The following PXDNL variants were observed in gnomAD, a reference collection of about 807,000 sequenced individuals.
PXDNL encodes probable oxidoreductase PXDNL.
PXDNL carries 145 observed loss-of-function variants against 150.8 expected under a neutral mutation model. The observed-to-expected ratio is 0.96, with a 90% confidence interval of 0.84 to 1.10. PXDNL has a LOEUF of 1.10. PXDNL is among the 50% of genes least tolerant of loss of function. PXDNL has a pLI of 0.00. For missense variants in PXDNL, 2,087 were observed against 1,873.9 expected (o/e 1.11, Z -2.10); for synonymous variants, 757 against 725.7 (o/e 1.04, Z -0.69).
chr8:51,502,333 C>T (rs1182776746), intron 4 of PXDNL, among the ~76,000 whole-genome samples: 4 of 152,116 alleles, frequency 2.6e-5, no homozygotes, highest in Non-Finnish European at 5.9e-5. Context: ...CCAAGAATCC[C>T]GGAGCAGAGC....
chr8:51,333,661 T>C (rs1192432552), intron 21 of PXDNL, among the ~76,000 whole-genome samples: 2 of 151,982 alleles, frequency 1.3e-5, no homozygotes, highest in Non-Finnish European at 2.9e-5. Context: ...AAAAAGCATT[T>C]ATGAAAATAG....
intron 6 of PXDNL, among the ~76,000 whole-genome samples, chr8:51,477,411 G>A (rs894163244): frequency 5.9e-5 from 9 of 152,162 alleles, no homozygotes; most frequent in African/African-American, 1.9e-4. Context: ...CAGCCTTGTC[G>A]GGAGTGAGGT....
intron 3 of PXDNL, among the ~76,000 whole-genome samples, chr8:51,588,871 T>A (rs1386197925): frequency 6.6e-6 from 1 of 152,104 alleles, no homozygotes; most frequent in African/African-American, 2.4e-5. Context: ...TAGTAATATG[T>A]AAAATATGGA....
chr8:51,641,707 C>G (rs1726132203), intron 2 of PXDNL, among the ~76,000 whole-genome samples: 1 of 151,746 alleles, frequency 6.6e-6, no homozygotes, highest in African/African-American at 2.4e-5. Flanking sequence ...CAGGAAACAA[C>G]AGGTGCTGGA....
intron 1 of PXDNL, among the ~76,000 whole-genome samples, chr8:51,687,469 A>C (rs1815902663): frequency 6.6e-6 from 1 of 152,162 alleles, no homozygotes. Context: ...GTTAATTATA[A>C]CCACTTCCAA....
At chr8:51,406,477 A>G (rs1808437722) in intron 17 of PXDNL, among the ~76,000 whole-genome samples, 1 of 152,116 alleles carries the variant, frequency 6.6e-6, no homozygotes, top group Non-Finnish European at 1.5e-5. Flanking sequence ...TTTAGAGTTA[A>G]ATACGGAGTG....
chr8:51,672,605 T>C (rs1815524473), intron 1 of PXDNL, among the ~76,000 whole-genome samples: 1 of 152,168 alleles, frequency 6.6e-6, no homozygotes, highest in African/African-American at 2.4e-5. Context: ...AAGTGGTTGT[T>C]GGAATCATGG....
chr8:51,781,424 G>A (rs889757373), intron 1 of PXDNL, among the ~76,000 whole-genome samples: 2 of 152,060 alleles, frequency 1.3e-5, no homozygotes, highest in Non-Finnish European at 2.9e-5. Context: ...AATGGCTTTG[G>A]GCTGCGAAGT....
intron 1 of PXDNL, among the ~76,000 whole-genome samples, chr8:51,761,687 C>G (rs1434741139): frequency 6.6e-6 from 1 of 152,140 alleles, no homozygotes; most frequent in Non-Finnish European, 1.5e-5. Flanking sequence ...GATGACTGTA[C>G]TTACCTTATC....
At chr8:51,754,507 A>T (rs778082491) in intron 1 of PXDNL, among the ~76,000 whole-genome samples, 6 of 97,022 alleles carry the variant, frequency 6.2e-5, no homozygotes, top group Non-Finnish European at 1.4e-4. Context: ...AAGTCAAGTC[A>T]TTTCTTTTTT....
intron 17 of PXDNL, among the ~76,000 whole-genome samples, chr8:51,397,136 G>C (rs758648511): frequency 6.6e-6 from 1 of 152,184 alleles, no homozygotes; most frequent in Non-Finnish European, 1.5e-5. Flanking sequence ...GTTTACTGCT[G>C]TTCTTAAAGT....
intron 7 of PXDNL, among the ~76,000 whole-genome samples, chr8:51,473,914 T>C (rs1234326309): frequency 6.6e-6 from 1 of 152,092 alleles, no homozygotes; most frequent in Non-Finnish European, 1.5e-5. Flanking sequence ...TTTTAAACAA[T>C]TTTCCCAAAC....
At chr8:51,617,042 A>T (rs1372817858) in intron 2 of PXDNL, among the ~76,000 whole-genome samples, 1 of 152,208 alleles carries the variant, frequency 6.6e-6, no homozygotes, top group Non-Finnish European at 1.5e-5. Context: ...AACTGTACTT[A>T]CATGTATATC....
intron 4 of PXDNL, among the ~76,000 whole-genome samples, chr8:51,529,329 A>G (rs1344441748): frequency 6.6e-6 from 1 of 152,098 alleles, no homozygotes; most frequent in African/African-American, 2.4e-5. Context: ...TTGCACCTGG[A>G]GCAATAGTAA....
At chr8:51,775,378 T>C (rs893284918) in intron 1 of PXDNL, among the ~76,000 whole-genome samples, 1 of 152,238 alleles carries the variant, frequency 6.6e-6, no homozygotes, top group Non-Finnish European at 1.5e-5. Flanking sequence ...GCTCGTTATA[T>C]TGCCATTCCA....
chr8:51,800,850 C>A (rs939547523), intron 1 of PXDNL, among the ~76,000 whole-genome samples: 6 of 152,130 alleles, frequency 3.9e-5, no homozygotes, highest in African/African-American at 1.4e-4. Flanking sequence ...CTCAGGACCA[C>A]TATTGTACAA....
intron 13 of PXDNL, among the ~76,000 whole-genome samples, chr8:51,424,369 T>G (rs1054977928): frequency 3.9e-5 from 6 of 151,986 alleles, no homozygotes; most frequent in Non-Finnish European, 8.8e-5. Context: ...ATCCCATATC[T>G]AAAATAAAAA....
chr8:51,433,864 T>C (rs1809320868), intron 12 of PXDNL, among the ~76,000 whole-genome samples: 1 of 152,202 alleles, frequency 6.6e-6, no homozygotes, highest in African/African-American at 2.4e-5. Flanking sequence ...TATTCCATTG[T>C]AAGTCAGTAT....
rs1163628780 is a variant in PXDNL, at chr8:51,350,354, CTTTTTTTT to C, written c.3902-4415_3902-4408del. ...AGTCTTTTATTAGCAAATGCAGCTTCTTTTTTTTTTTTTTTTTTTTTTGAGAGGGAGTT... is the reference window on the plus strand; with the variant it reads ...AGTCTTTTATTAGCAAATGCAGCTTCTTTTTTTTTTTTTTGAGAGGGAGTT... On this transcript the variant is annotated intron_variant, in intron 19 of 22. Coordinates refer to ENST00000356297, the MANE Select transcript of PXDNL (RefSeq NM_144651.5). Among the ~76,000 whole-genome samples, 373 of 77,898 alleles carry C rather than the reference CTTTTTTTT, an allele frequency of 4.8e-3. 5 individuals are homozygous for C. The highest frequency in any genetic ancestry group is 0.018 in the African/African-American group (354 of 19,160). 51.1% of individuals were successfully genotyped at this position (77,898 alleles called of 152,430 possible). A position where few individuals can be genotyped will look rare whatever the true frequency, so the allele number is the denominator to read the frequency against.
Sources: allele counts gnomAD v4.1 joint callset (sites outside exome capture counted in the v4.1 genomes callset), GRCh38; gene constraint gnomAD v4.1.1; transcripts MANE v1.5; gene names NCBI Gene and HGNC (gene_info 2026-07-23, HGNC 2026-07-21).